Variants in PCDHGB5 observed in about 807,000 individuals in gnomAD.
PCDHGB5 encodes protocadherin gamma subfamily B, 5, also known as protocadherin gamma-B5.
In PCDHGB5, 48 loss-of-function variants were observed where a neutral mutation model predicts 62.9. The observed-to-expected ratio is 0.76, with a 90% CI of 0.61 to 0.97. PCDHGB5 has a LOEUF of 0.97. Ranked by LOEUF, PCDHGB5 falls within the 50% of genes least tolerant of loss-of-function variation. The pLI is 0.00. For synonymous variants in PCDHGB5, 474 were observed against 511.2 expected (o/e 0.93, Z 0.98); for missense variants, 1,118 against 1,198.6 (o/e 0.93, Z 0.99).
intron 1 of PCDHGB5, chr5:141,413,247 C>T (rs1168509242): frequency 1.2e-6 from 2 of 1,613,822 alleles, no homozygotes; most frequent in African/African-American, 2.7e-5. Flanking sequence ...GCCTTTTCTT[C>T]GGGATTCCAT....
intron 1 of PCDHGB5, among the ~76,000 whole-genome samples, chr5:141,458,695 G>A (rs551105765): frequency 2.0e-5 from 3 of 151,852 alleles, no homozygotes; most frequent in Non-Finnish European, 2.9e-5. Context: ...TCAGCCTCCC[G>A]AGTAGCTGGG....
chr5:141,421,541 T>A (rs1235004908), intron 1 of PCDHGB5: 9 of 1,613,912 alleles, frequency 5.6e-6, no homozygotes, highest in African/African-American at 1.3e-5. Flanking sequence ...TCCTGTTTTT[T>A]AAATATGGAA....
In PCDHGB5 at chr5:141,491,679, T is replaced by G. The variant is rs111288145; in HGVS notation, c.2398-3128T>G. 1 of 1,613,496 alleles carries G rather than the reference T, an allele frequency of 6.2e-7. No individual in the cohort carries two copies. Among genetic ancestry groups the G allele is most frequent in the Non-Finnish European group, 8.5e-7 (1 of 1,179,828 alleles). On this transcript the variant is annotated intron_variant, in intron 1 of 3. Coordinates refer to ENST00000617380, the MANE Select transcript of PCDHGB5 (RefSeq NM_018925.3). The surrounding 1 kb of genome is among the most constrained non-coding windows in gnomAD (Gnocchi z 6.9). ...CTGACGCCATCCGGTCCCGCTCTAA[T>G]ACGCTGCGGGAGCGGAGCCAGGTGA...
intron 1 of PCDHGB5, among the ~76,000 whole-genome samples, chr5:141,402,471 A>G (rs1241536886): frequency 6.6e-6 from 1 of 152,238 alleles, no homozygotes; most frequent in Non-Finnish European, 1.5e-5. Context: ...CTAGAAATAG[A>G]GTGCAAAGTT....
chr5:141,422,744 T>C, intron 1 of PCDHGB5: 1 of 1,610,696 alleles, frequency 6.2e-7, no homozygotes, highest in Non-Finnish European at 8.5e-7. Flanking sequence ...TCCTCCTATG[T>C]CTCTATTAAC....
intron 1 of PCDHGB5, among the ~76,000 whole-genome samples, chr5:141,492,530 C>A (rs1595123138): frequency 1.3e-5 from 2 of 152,246 alleles, no homozygotes; most frequent in South Asian, 2.1e-4. Flanking sequence ...CCCACCTGCG[C>A]CCCGGGCTGG....
chr5:141,472,188 G>C (rs779077950), intron 1 of PCDHGB5, among the ~76,000 whole-genome samples: 4 of 152,168 alleles, frequency 2.6e-5, no homozygotes, highest in Middle Eastern at 3.2e-3. Context: ...ATTGGAATTT[G>C]AATCTTTTTG....
In PCDHGB5 at chr5:141,476,715, G is replaced by A. The variant is rs199871912; in HGVS notation, c.2398-18092G>A. 12 of 1,614,168 alleles carry A rather than the reference G, an allele frequency of 7.4e-6. No individual in the cohort carries two copies. The highest frequency in any genetic ancestry group is 1.7e-5 in the Admixed American group (1 of 60,032). On this transcript the variant is annotated intron_variant, in intron 1 of 3. Coordinates refer to ENST00000617380, the MANE Select transcript of PCDHGB5 (RefSeq NM_018925.3). The surrounding 1 kb of genome is among the most constrained non-coding windows in gnomAD (Gnocchi z 7.6). ...AAGTACGCGGAGCTGGTGTTGGAGC[G>A]CGCCCTGGACCGAGAACGGGAGCCT...
chr5:141,500,497 C>T (rs1214550546), intron 2 of PCDHGB5, among the ~76,000 whole-genome samples: 1 of 152,174 alleles, frequency 6.6e-6, no homozygotes, highest in Non-Finnish European at 1.5e-5. Context: ...GCGTGAGCCA[C>T]CGCGCCTGGC....
intron 1 of PCDHGB5, chr5:141,410,302 A>C: frequency 1.2e-6 from 2 of 1,613,356 alleles, no homozygotes; most frequent in Non-Finnish European, 1.7e-6. Flanking sequence ...CCTTAATCTC[A>C]GTGCTCTTCC....
intron 1 of PCDHGB5, among the ~76,000 whole-genome samples, chr5:141,448,917 C>T (rs913804081): frequency 2.6e-5 from 4 of 152,130 alleles, no homozygotes; most frequent in African/African-American, 9.7e-5. Context: ...TGCACTCCAG[C>T]CTGGGCGACA....
chr5:141,481,261 C>T lies in PCDHGB5; in HGVS notation c.2398-13546C>T, dbSNP rs2099534823. ...TACATAGCATAGCTCTAAAAGATCA[C>T]TGTAGGAAGACATAAAATGGTATTT... On this transcript the variant is annotated intron_variant, in intron 1 of 3. Coordinates refer to ENST00000617380, the MANE Select transcript of PCDHGB5 (RefSeq NM_018925.3). Among the ~76,000 whole-genome samples, 3 of 152,252 alleles carry T rather than the reference C, an allele frequency of 2.0e-5. No individual in the cohort carries two copies. The East Asian group carries it at 5.8e-4, about 29-fold the overall frequency.
chr5:141,485,344 C>G lies in PCDHGB5; in HGVS notation c.2398-9463C>G. On this transcript the variant is annotated intron_variant, in intron 1 of 3. Coordinates refer to ENST00000617380, the MANE Select transcript of PCDHGB5 (RefSeq NM_018925.3). This position sits in a 1 kb window ranked among gnomAD's most constrained non-coding sequence, Gnocchi z 5.7. ...CTCAAGATTTCCTGCTGGATACGGA[C>G]AGTCTGTCAGCTCGCAGGCTGCAGG... 6.2e-7 allele frequency: 1 copy of G among 1,614,116 alleles called. No individual in the cohort carries two copies. The highest frequency in any genetic ancestry group is 8.5e-7 in the Non-Finnish European group (1 of 1,180,004).
chr5:141,494,778 C>CA, intron 1 of PCDHGB5, 29 bp from the exon 2 acceptor site: 1 of 1,614,086 alleles, frequency 6.2e-7, no homozygotes, highest in Non-Finnish European at 8.5e-7. Context: ...CACGGGTACT[C>CA]AGCCCCTTTC....
intron 1 of PCDHGB5, chr5:141,428,129 C>T (rs1449809875): frequency 1.2e-6 from 2 of 1,603,336 alleles, no homozygotes; most frequent in Non-Finnish European, 1.7e-6. Context: ...CCGGGCTTTT[C>T]AGCCTGGGGC....
chr5:141,410,019 A>C, intron 1 of PCDHGB5: 2 of 1,613,204 alleles, frequency 1.2e-6, no homozygotes, highest in African/African-American at 2.7e-5. Context: ...TGGCTGTCCT[A>C]CCACGTGCTG....
At chr5:141,414,878 A>G in intron 1 of PCDHGB5, 2 of 1,614,026 alleles carry the variant, frequency 1.2e-6, no homozygotes, top group Non-Finnish European at 1.7e-6. Context: ...GAGATCCTGT[A>G]CCCCGCCCTC....
At position 141,485,848 on chromosome 5, in the gene PCDHGB5, C is replaced by G. The variant is rs1416763615; in HGVS notation, c.2398-8959C>G. 1.9e-6 allele frequency: 3 copies of G among 1,614,076 alleles called. No individual in the cohort carries two copies. The highest frequency in any genetic ancestry group is 1.1e-5 in the South Asian group (1 of 91,084). On this transcript the variant is annotated intron_variant, in intron 1 of 3. Coordinates refer to ENST00000617380, the MANE Select transcript of PCDHGB5 (RefSeq NM_018925.3). This position sits in a 1 kb window ranked among gnomAD's most constrained non-coding sequence, Gnocchi z 5.7. The stretch of plus-strand genomic sequence containing the variant: ...GAGGGAACCCGCCGAGATCTGGCAC[C>G]GCAGAGCTCCGGGTATCCGTGCTGG...
intron 1 of PCDHGB5, chr5:141,402,983 G>A (rs748129276): frequency 6.2e-6 from 10 of 1,609,166 alleles, no homozygotes; most frequent in African/African-American, 1.3e-5. Flanking sequence ...CCAGCTCCGC[G>A]GAAGATTAGT....
Sources: gnomAD v4.1 joint callset for allele counts (sites outside exome capture counted in the v4.1 genomes callset) on GRCh38, gnomAD v4.1.1 for gene constraint, Gnocchi (gnomAD v3.1) non-coding constraint, MANE v1.5 for transcripts, NCBI Gene and HGNC (gene_info 2026-07-23, HGNC 2026-07-21) for gene names.